The following TTC7A variants were observed in gnomAD, a reference collection of about 807,000 sequenced individuals.
TTC7A encodes tetratricopeptide repeat protein 7A.
Under a neutral mutation model 103.7 loss-of-function variants are expected in TTC7A, and 110 were observed. The ratio of observed to expected loss-of-function variants is 1.06; its 90% confidence interval spans 0.91 to 1.24. The LOEUF (loss-of-function observed/expected upper bound fraction) is 1.24, where lower values mean the gene tolerates loss of function less well. Ranked by LOEUF, TTC7A falls within the 50% of genes most tolerant of loss-of-function variation. The pLI, the probability that TTC7A is intolerant of heterozygous loss-of-function variation, is 0.00. For synonymous variants in TTC7A, 521 were observed against 467.9 expected, an observed-to-expected ratio of 1.11 and a Z score of -1.47; for missense variants, 1,340 against 1,116.3, an observed-to-expected ratio of 1.20 and a Z score of -2.86.
rs575944839 is a variant in TTC7A, at chr2:47,000,670, G to A, written c.1066-5252G>A. 2.0e-5 allele frequency among the ~76,000 whole-genome samples: 3 copies of A among 152,306 alleles called. No individual in the cohort carries two copies. The East Asian group carries it at 5.8e-4, about 29-fold the overall frequency. ...GGAGCATGACAGTGTCCTCCAGGGAGGGGGCAGGTGCTGGGTACAGATACT... is the reference window on the plus strand; with the variant it reads ...GGAGCATGACAGTGTCCTCCAGGGAAGGGGCAGGTGCTGGGTACAGATACT... On this transcript the variant is annotated intron_variant, in intron 8 of 19. Coordinates refer to ENST00000319190, the MANE Select transcript of TTC7A (RefSeq NM_020458.4).
chr2:46,962,241 G>A (rs1380419809), intron 3 of TTC7A, among the ~76,000 whole-genome samples: 1 of 152,152 alleles, frequency 6.6e-6, no homozygotes, highest in African/African-American at 2.4e-5. Flanking sequence ...GCACAAAGCT[G>A]TTTCCTTACA....
At chr2:47,052,598 G>A (rs964685933) in intron 18 of TTC7A, among the ~76,000 whole-genome samples, 36 of 152,174 alleles carry the variant, frequency 2.4e-4, no homozygotes, top group African/African-American at 8.2e-4. Context: ...GGAGGGACTC[G>A]CTGCCAAGAG....
chr2:47,018,336 G>A (rs532382716), intron 11 of TTC7A, among the ~76,000 whole-genome samples: 2 of 147,722 alleles, frequency 1.4e-5, no homozygotes, highest in African/African-American at 2.5e-5. Flanking sequence ...TAATCCCAAC[G>A]CTTTTGGAGG....
intron 8 of TTC7A, among the ~76,000 whole-genome samples, chr2:46,995,534 G>A (rs992801552): frequency 8.5e-5 from 13 of 152,204 alleles, no homozygotes; most frequent in Non-Finnish European, 1.8e-4. Context: ...TGGGTGCTGT[G>A]ACAGATTTGA....
At chr2:47,006,266 G>C (rs953539795) in intron 9 of TTC7A, among the ~76,000 whole-genome samples, 1 of 152,240 alleles carries the variant, frequency 6.6e-6, no homozygotes, top group Non-Finnish European at 1.5e-5. Flanking sequence ...TTGTTGGGGA[G>C]AGTGCATGTG....
chr2:47,026,546 A>T (rs1184417403), intron 14 of TTC7A, among the ~76,000 whole-genome samples: 2 of 152,078 alleles, frequency 1.3e-5, no homozygotes, highest in African/African-American at 4.8e-5. Flanking sequence ...AAGGAGCAGG[A>T]CTCTTAAAAA....
intron 2 of TTC7A, among the ~76,000 whole-genome samples, chr2:46,954,444 A>G (rs1192219093): frequency 2.0e-5 from 3 of 152,180 alleles, no homozygotes; most frequent in Admixed American, 1.3e-4. Flanking sequence ...GTTGCCAAGT[A>G]AGGACATTAA....
intron 13 of TTC7A, among the ~76,000 whole-genome samples, chr2:47,023,935 C>G (rs1226166964): frequency 6.7e-6 from 1 of 148,510 alleles, no homozygotes; most frequent in Non-Finnish European, 1.5e-5. Flanking sequence ...GTGAGGCTAG[C>G]TTCTCTGCCC....
intron 5 of TTC7A, among the ~76,000 whole-genome samples, chr2:46,992,366 C>G (rs1675720865): frequency 6.6e-6 from 1 of 152,152 alleles, no homozygotes; most frequent in South Asian, 2.1e-4. Context: ...ACAGGCAGGG[C>G]AGCATGGGGA....
At chr2:47,012,591 T>C (rs997617134) in intron 11 of TTC7A, among the ~76,000 whole-genome samples, 12 of 152,230 alleles carry the variant, frequency 7.9e-5, no homozygotes, top group African/African-American at 2.9e-4. Flanking sequence ...TTCTTGCCAC[T>C]TTCCCTCCTG....
intron 16 of TTC7A, among the ~76,000 whole-genome samples, chr2:47,049,543 A>T (rs1682658273): frequency 6.6e-6 from 1 of 151,812 alleles, no homozygotes; most frequent in Non-Finnish European, 1.5e-5. Context: ...CTTTTTCCAT[A>T]GGGGTTTGGG....
intron 16 of TTC7A, among the ~76,000 whole-genome samples, chr2:47,048,240 C>A (rs1682525535): frequency 6.6e-6 from 1 of 152,226 alleles, no homozygotes; most frequent in Admixed American, 6.5e-5. Context: ...TGAACGGTCC[C>A]TTCTCCCCAT....
intron 14 of TTC7A, among the ~76,000 whole-genome samples, chr2:47,028,078 G>T (rs1204754728): frequency 6.6e-6 from 1 of 152,110 alleles, no homozygotes; most frequent in Non-Finnish European, 1.5e-5. Flanking sequence ...AGGGGCCTCG[G>T]GTGTCTTTTG....
intron 14 of TTC7A, among the ~76,000 whole-genome samples, chr2:47,026,890 G>A (rs76861739): frequency 0.024 from 3,586 of 152,278 alleles, 73 homozygotes; most frequent in Non-Finnish European, 0.036. Flanking sequence ...GCAGAGCCAG[G>A]AGCCACACCC....
In TTC7A at chr2:47,024,587, C is replaced by T. The variant is rs79306214; in HGVS notation, c.1641+228C>T. Among the ~76,000 whole-genome samples, 54 of 152,240 alleles carry T rather than the reference C, an allele frequency of 3.5e-4. No homozygotes were observed. The East Asian group carries it at 0.01, about 29-fold the overall frequency. On this transcript the variant is annotated intron_variant, in intron 14 of 19. Coordinates refer to ENST00000319190, the MANE Select transcript of TTC7A (RefSeq NM_020458.4). ...GTACACAGGAAGGGCGTGTTCTCCGCCCTCACTCCCCCTACAACATTTCAG... is the reference window on the plus strand; with the variant it reads ...GTACACAGGAAGGGCGTGTTCTCCGTCCTCACTCCCCCTACAACATTTCAG...
Position 46,920,029 on chromosome 2 carries a change from T to C in TTC7A, c.82+2752T>C, listed in dbSNP as rs1669017675. ...TGTTGTGTTGTTCTGAATTCAGATA[T>C]ACTATAAACTGGGGTGGTGAATATG... On this transcript the variant is annotated intron_variant, in intron 2 of 20. Transcript: ENST00000409245. Among the ~76,000 whole-genome samples the C allele has an allele frequency of 2.6e-5, 4 of 152,202 alleles. No individual in the cohort carries two copies. The South Asian group carries it at 8.3e-4, about 32-fold the overall frequency.
chr2:46,958,273 C>A (rs557014014), intron 3 of TTC7A, among the ~76,000 whole-genome samples: 2 of 152,234 alleles, frequency 1.3e-5, no homozygotes, highest in Non-Finnish European at 2.9e-5. Flanking sequence ...TGTGGGTGGT[C>A]TTCGTCCTTT....
intron 15 of TTC7A, among the ~76,000 whole-genome samples, chr2:47,039,200 C>T (rs1489628069): frequency 6.6e-6 from 1 of 152,146 alleles, no homozygotes; most frequent in Non-Finnish European, 1.5e-5. Context: ...TGCTGAAGGC[C>T]CTGTCTCAAC....
chr2:47,014,796 G>A (rs959342614), intron 11 of TTC7A, among the ~76,000 whole-genome samples: 2 of 152,256 alleles, frequency 1.3e-5, no homozygotes, highest in Non-Finnish European at 2.9e-5. Flanking sequence ...AAGGGAGGCT[G>A]AAACTAGGAC....
Sources: gnomAD v4.1 joint callset for allele counts (sites outside exome capture counted in the v4.1 genomes callset) on GRCh38, gnomAD v4.1.1 for gene constraint, MANE v1.5 for transcripts, NCBI Gene and HGNC (gene_info 2026-07-23, HGNC 2026-07-21) for gene names.